Variants in MGST1 observed in about 807,000 individuals in gnomAD.
MGST1 encodes microsomal glutathione S-transferase 1, also known as glutathione S-transferase 12.
Under a neutral mutation model 8.9 loss-of-function variants are expected in MGST1, and 5 were observed. The observed-to-expected ratio is 0.56, with a 90% CI of 0.29 to 1.19. The LOEUF (loss-of-function observed/expected upper bound fraction) is 1.19. MGST1 is among the 50% of genes most tolerant of loss of function. The pLI, the probability that MGST1 is intolerant of heterozygous loss-of-function variation, is 0.08. For missense variants in MGST1, 182 were observed against 187.4 expected, an observed-to-expected ratio of 0.97 and a Z score of 0.17; for synonymous variants, 54 against 67.8, an observed-to-expected ratio of 0.80 and a Z score of 1.00.
In MGST1 at chr12:16,500,394, G is replaced by A. The variant is rs1004273623; in HGVS notation, n.483-89134G>A. On this transcript the variant is annotated intron_variant and non_coding_transcript_variant, in intron 4 of 4. Coordinates refer to the MGST1 transcript ENST00000538857. This position sits in a 1 kb window ranked among gnomAD's most constrained non-coding sequence, Gnocchi z 4.3. ...ACAGCTATTCCCAACCTTCTAGCTTGATCCATTCAGGGACACATTTCAAGC... is the reference window on the plus strand; with the variant it reads ...ACAGCTATTCCCAACCTTCTAGCTTAATCCATTCAGGGACACATTTCAAGC... 6.6e-6 allele frequency among the ~76,000 whole-genome samples: 1 copy of A among 152,188 alleles called. No homozygotes were observed. Among genetic ancestry groups the A allele is most frequent in the Non-Finnish European group, 1.5e-5 (1 of 68,030 alleles).
chr12:16,400,635 C>A, intron 1 of MGST1: 3 of 1,456,016 alleles, frequency 2.1e-6, no homozygotes, highest in Non-Finnish European at 1.9e-6. Context: ...TATGTAATTT[C>A]TTTGACAAAA....
chr12:16,441,603 C>T (rs1421395493), downstream of MGST1, among the ~76,000 whole-genome samples: 1 of 151,776 alleles, frequency 6.6e-6, no homozygotes, highest in Non-Finnish European at 1.5e-5. Context: ...CTTTTCAAAT[C>T]AGCTTCTTTC....
intron 4 of MGST1, among the ~76,000 whole-genome samples, chr12:16,562,396 C>T (rs570051785): frequency 4.9e-4 from 75 of 152,180 alleles, no homozygotes; most frequent in Non-Finnish European, 9.6e-4. Flanking sequence ...GCGATAAAGC[C>T]GTTTTTAAGA....
rs775352421 is a variant in MGST1 at position 16,546,007 on chromosome 12, A to G, written n.483-43521A>G. On this transcript the variant is annotated intron_variant and non_coding_transcript_variant, in intron 4 of 4. Coordinates refer to the MGST1 transcript ENST00000538857. This position sits in a 1 kb window ranked among gnomAD's most constrained non-coding sequence, Gnocchi z 4.7. ...AATAGGCACACTACTTTCTGACTCT[A>G]TGACCTTGGGCGAATTAAGTAACCT... Among the ~76,000 whole-genome samples, 7 of 152,238 alleles carry G rather than the reference A, an allele frequency of 4.6e-5. No individual in the cohort carries two copies. The highest frequency in any genetic ancestry group is 1.4e-4 in the African/African-American group (6 of 41,558).
chr12:16,558,674 C>T (rs1010214870), intron 4 of MGST1, among the ~76,000 whole-genome samples: 1 of 152,098 alleles, frequency 6.6e-6, no homozygotes, highest in Non-Finnish European at 1.5e-5. Context: ...TAACATCTTA[C>T]ATGACTGTCT....
downstream of MGST1, among the ~76,000 whole-genome samples, chr12:16,590,171 T>C (rs760546537): frequency 1.1e-4 from 16 of 152,104 alleles, no homozygotes; most frequent in Non-Finnish European, 1.6e-4. Context: ...CCCACTGTTA[T>C]AAATAGAAAT....
At chr12:16,465,775 TC>T (rs889848533) in intron 4 of MGST1, among the ~76,000 whole-genome samples, 1 of 151,986 alleles carries the variant, frequency 6.6e-6, no homozygotes, top group East Asian at 1.9e-4. Flanking sequence ...TCCTCCTCCT[TC>T]CCCCACCCCA....
chr12:16,401,650 T>G lies in MGST1; in HGVS notation n.778+18046T>G. 1.2e-5 allele frequency: 20 copies of G among 1,600,194 alleles called. No homozygotes were observed. Among genetic ancestry groups the G allele is most frequent in the Non-Finnish European group, 1.7e-5 (20 of 1,167,368 alleles). On this transcript the variant is annotated intron_variant and non_coding_transcript_variant, in intron 1 of 1. Transcript: ENST00000359720. The surrounding 1 kb of genome is among the most constrained non-coding windows in gnomAD (Gnocchi z 4.3). ...ATGTGATTCTTGTCACTCACCACAC[T>G]GAACTTGAGATTATAGTTGCCACCA...
intron 4 of MGST1, among the ~76,000 whole-genome samples, chr12:16,491,354 T>G (rs1941436539): frequency 6.6e-6 from 1 of 152,164 alleles, no homozygotes; most frequent in Non-Finnish European, 1.5e-5. Context: ...GATGATTAAT[T>G]GTTCTATGTT....
At chr12:16,386,916 T>A (rs7963714) in intron 1 of MGST1, among the ~76,000 whole-genome samples, 10 of 152,012 alleles carry the variant, frequency 6.6e-5, no homozygotes, top group Admixed American at 5.9e-4. Flanking sequence ...CTGTCCACCC[T>A]GTCAGTCACT....
intron 4 of MGST1, among the ~76,000 whole-genome samples, chr12:16,456,702 C>A (rs1235078680): frequency 6.6e-6 from 1 of 151,916 alleles, no homozygotes; most frequent in Non-Finnish European, 1.5e-5. Flanking sequence ...AGTCACCTCC[C>A]CTACGTACTC....
downstream of MGST1, chr12:16,438,853 A>G (rs1000145160): frequency 2.6e-5 from 4 of 151,858 alleles, no homozygotes; most frequent in African/African-American, 7.2e-5. Flanking sequence ...CAGCAACATC[A>G]CTTTGATCTC....
At chr12:16,579,200 T>C (rs1232044039) in intron 4 of MGST1, among the ~76,000 whole-genome samples, 1 of 152,186 alleles carries the variant, frequency 6.6e-6, no homozygotes. Flanking sequence ...TAGATACACA[T>C]AATTTAGATA....
At chr12:16,442,649 C>A (rs1374895245), downstream of MGST1, among the ~76,000 whole-genome samples, 2 of 151,834 alleles carry the variant, frequency 1.3e-5, no homozygotes, top group Non-Finnish European at 2.9e-5. This position sits in a 1 kb window ranked among gnomAD's most constrained non-coding sequence, Gnocchi z 4.5. Flanking sequence ...TTCCATTGAT[C>A]TACTTGTCTA....
chr12:16,356,588 A>G (rs1472700491), intron 2 of MGST1, among the ~76,000 whole-genome samples: 3 of 152,224 alleles, frequency 2.0e-5, no homozygotes, highest in Non-Finnish European at 4.4e-5. Flanking sequence ...TTTCTCTGCC[A>G]TCAATTATTA....
At chr12:16,457,968 A>G (rs2137121166) in intron 4 of MGST1, among the ~76,000 whole-genome samples, 1 of 152,106 alleles carries the variant, frequency 6.6e-6, no homozygotes, top group East Asian at 1.9e-4. Flanking sequence ...CTATAAATTA[A>G]TTTGCACTAC....
chr12:16,430,753 G>A (rs1383665906), intron 1 of MGST1, among the ~76,000 whole-genome samples: 1 of 152,056 alleles, frequency 6.6e-6, no homozygotes, highest in African/African-American at 2.4e-5. Flanking sequence ...TAATTCTTAA[G>A]GCCCCTGGGA....
chr12:16,573,297 T>C (rs999681861), intron 4 of MGST1, among the ~76,000 whole-genome samples: 2 of 152,134 alleles, frequency 1.3e-5, no homozygotes, highest in Non-Finnish European at 2.9e-5. Context: ...AAGTCAGATA[T>C]AGTTGAAACA....
chr12:16,436,147 T>C (rs960163759), intron 1 of MGST1, among the ~76,000 whole-genome samples: 47 of 151,930 alleles, frequency 3.1e-4, no homozygotes, highest in African/African-American at 1.1e-3. Context: ...AAGGCATTTC[T>C]AATAGAACAA....
Sources: gnomAD v4.1 joint callset for allele counts (sites outside exome capture counted in the v4.1 genomes callset) on GRCh38, gnomAD v4.1.1 for gene constraint, Gnocchi (gnomAD v3.1) non-coding constraint, MANE v1.5 for transcripts, NCBI Gene and HGNC (gene_info 2026-07-23, HGNC 2026-07-21) for gene names.